PRKAG2: variants seen among roughly 807,000 people sequenced by gnomAD.
PRKAG2 encodes protein kinase AMP-activated non-catalytic subunit gamma 2, also known as 5'-AMP-activated protein kinase subunit gamma-2.
In PRKAG2, 26 loss-of-function variants were observed where a neutral mutation model predicts 69.6. The ratio of observed to expected loss-of-function variants is 0.37; its 90% CI spans 0.27 to 0.52. The LOEUF (loss-of-function observed/expected upper bound fraction) is 0.52. PRKAG2 is among the 20% of genes least tolerant of loss of function. The pLI, the probability that PRKAG2 is intolerant of heterozygous loss-of-function variation, is 0.90. For missense variants in PRKAG2, 557 were observed against 740.0 expected (o/e 0.75, Z 2.87); for synonymous variants, 293 against 285.0 (o/e 1.03, Z -0.28).
At chr7:151,581,923 G>C (rs1177993232) in intron 6 of PRKAG2, among the ~76,000 whole-genome samples, 1 of 152,188 alleles carries the variant, frequency 6.6e-6, no homozygotes, top group South Asian at 2.1e-4. Context: ...AGGCCACTGT[G>C]AACAACACAA....
At chr7:151,861,709 T>G (rs2079930700) in intron 1 of PRKAG2, among the ~76,000 whole-genome samples, 1 of 152,040 alleles carries the variant, frequency 6.6e-6, no homozygotes, top group South Asian at 2.1e-4. Flanking sequence ...GACATCCTGC[T>G]CTTTACTGTG....
intron 4 of PRKAG2, among the ~76,000 whole-genome samples, chr7:151,673,641 A>G (rs534099886): frequency 6.6e-6 from 1 of 152,288 alleles, no homozygotes; most frequent in African/African-American, 2.4e-5. Context: ...AAGAATAGGA[A>G]TAGTATGTTC....
Position 151,557,152 on chromosome 7 carries a change from CAG to C in PRKAG2, c.*47_*48del, listed in dbSNP as rs1373728473. On this transcript the variant is annotated 3_prime_UTR_variant, in exon 16 of 16. Coordinates refer to ENST00000287878, the MANE Select transcript of PRKAG2 (RefSeq NM_016203.4). ...AGTGTTCATGAGGCAAAACGTGACC[CAG>C]AGACTTTGTTCAAGTTCTCCTCCTA... The C allele has an allele frequency of 1.2e-5, 19 of 1,613,878 alleles. No homozygotes were observed. Among genetic ancestry groups the C allele is most frequent in the Non-Finnish European group, 1.5e-5 (18 of 1,179,932 alleles).
chr7:151,696,518 G>A (rs886257161), intron 3 of PRKAG2, among the ~76,000 whole-genome samples: 2 of 152,110 alleles, frequency 1.3e-5, no homozygotes, highest in East Asian at 1.9e-4. Flanking sequence ...CAGCCCTGAC[G>A]CCATCATCTC....
intron 3 of PRKAG2, among the ~76,000 whole-genome samples, chr7:151,726,324 G>A (rs1471974013): frequency 1.3e-5 from 2 of 151,680 alleles, no homozygotes; most frequent in Non-Finnish European, 2.9e-5. Context: ...AGGAAGCCTG[G>A]GGAAGTGAAG....
Position 151,746,715 on chromosome 7 carries a change from C to T in PRKAG2, c.466+34437G>A, listed in dbSNP as rs114274637. On this transcript the variant is annotated intron_variant, in intron 3 of 15. Transcript: ENST00000287878. ...CCTGCTCCAGTGGCTGCTCCTGGGA[C>T]GGCTGCTGGGCACCATGCTGAGAAT... Among the ~76,000 whole-genome samples, 944 of 152,310 alleles carry T rather than the reference C, an allele frequency of 6.2e-3. 7 individuals carry two copies. Among genetic ancestry groups the T allele is most frequent in the Non-Finnish European group, 9.2e-3 (624 of 68,024 alleles).
chr7:151,751,870 C>T (rs2074717333), intron 3 of PRKAG2, among the ~76,000 whole-genome samples: 1 of 152,152 alleles, frequency 6.6e-6, no homozygotes, highest in Non-Finnish European at 1.5e-5. Context: ...CTGAGAAGGC[C>T]TAGAAGCAAT....
intron 3 of PRKAG2, among the ~76,000 whole-genome samples, chr7:151,688,042 G>GCCCCAC (rs1835016936): frequency 1.9e-5 from 2 of 106,982 alleles, no homozygotes; most frequent in Non-Finnish European, 2.0e-5. Flanking sequence ...AGGAAATGAG[G>GCCCCAC]CCCCCCCCCG....
intron 3 of PRKAG2, among the ~76,000 whole-genome samples, chr7:151,772,602 A>G (rs1563637879): frequency 6.6e-6 from 1 of 152,242 alleles, no homozygotes. Context: ...CCTTCTAGAA[A>G]GGCCTGACAT....
chr7:151,743,738 C>T (rs2074062114), intron 3 of PRKAG2, among the ~76,000 whole-genome samples: 1 of 152,228 alleles, frequency 6.6e-6, no homozygotes, highest in Non-Finnish European at 1.5e-5. Flanking sequence ...AAGCCAGCTG[C>T]TGCTCCATGC....
At chr7:151,834,975 C>T (rs1313809927) in intron 1 of PRKAG2, among the ~76,000 whole-genome samples, 1 of 152,200 alleles carries the variant, frequency 6.6e-6, no homozygotes, top group Non-Finnish European at 1.5e-5. Flanking sequence ...TTGATCTCCA[C>T]CTTCATCCTC....
chr7:151,679,617 A>G (rs1833527299), intron 3 of PRKAG2, among the ~76,000 whole-genome samples: 1 of 152,142 alleles, frequency 6.6e-6, no homozygotes, highest in Non-Finnish European at 1.5e-5. Flanking sequence ...CACCCCCCAC[A>G]TCCTCATGAC....
At chr7:151,815,055 G>A (rs1160874338) in intron 1 of PRKAG2, among the ~76,000 whole-genome samples, 2 of 152,216 alleles carry the variant, frequency 1.3e-5, no homozygotes, top group African/African-American at 2.4e-5. Context: ...AAAGGCTTCA[G>A]AAATCTGAAC....
At chr7:151,754,906 G>A (rs1353290383) in intron 3 of PRKAG2, among the ~76,000 whole-genome samples, 1 of 152,104 alleles carries the variant, frequency 6.6e-6, no homozygotes, top group Non-Finnish European at 1.5e-5. Context: ...CCTGAAGGAA[G>A]GGACCCCACC....
intron 7 of PRKAG2, among the ~76,000 whole-genome samples, chr7:151,575,433 C>G (rs1285893353): frequency 6.6e-6 from 1 of 152,158 alleles, no homozygotes; most frequent in East Asian, 1.9e-4. Context: ...AAGACATGAA[C>G]TTCTTCCCTG....
intron 1 of PRKAG2, among the ~76,000 whole-genome samples, chr7:151,862,216 G>C (rs1250776387): frequency 6.6e-6 from 1 of 152,078 alleles, no homozygotes; most frequent in Non-Finnish European, 1.5e-5. Flanking sequence ...ATCAGCCTGA[G>C]CCAAAGCCCA....
chr7:151,781,583 G>A lies in PRKAG2; in HGVS notation c.187-152C>T, dbSNP rs1247093633. The stretch of plus-strand genomic sequence containing the variant: ...AGCCCTAAGCTCTTCCACAGAGGTA[G>A]CCACTGAATGGTCTGCAGGTAGCAC... On this transcript the variant is annotated intron_variant, in intron 2 of 15. Coordinates refer to ENST00000287878, the MANE Select transcript of PRKAG2 (RefSeq NM_016203.4). The surrounding 1 kb of genome is among the most constrained non-coding windows in gnomAD (Gnocchi z 6.1). 2.9e-6 allele frequency: 3 copies of A among 1,023,550 alleles called. No homozygotes were observed. The highest frequency in any genetic ancestry group is 4.3e-6 in the Non-Finnish European group (3 of 698,158). 63.4% of individuals were successfully genotyped at this position (1,023,550 alleles called of 1,614,324 possible).
At chr7:151,639,670 A>G (rs1826333777) in intron 4 of PRKAG2, among the ~76,000 whole-genome samples, 1 of 152,202 alleles carries the variant, frequency 6.6e-6, no homozygotes, top group Non-Finnish European at 1.5e-5. Flanking sequence ...CTGGGACTTA[A>G]CAGCAGCAGC....
chr7:151,876,153 T>C lies in PRKAG2; in HGVS notation c.114+354A>G, dbSNP rs1405332951. Among the ~76,000 whole-genome samples the C allele has an allele frequency of 4.0e-5, 6 of 148,664 alleles. No homozygotes were observed. The East Asian group carries it at 1.2e-3, about 31-fold the overall frequency. The stretch of plus-strand genomic sequence containing the variant: ...CCTCCCCGGAGCGCAGTCCACACCG[T>C]CCCTTTTCAGCAAAACAACACAACG... On this transcript the variant is annotated intron_variant, in intron 1 of 15. Coordinates refer to ENST00000287878, the MANE Select transcript of PRKAG2 (RefSeq NM_016203.4).
Sources: allele counts gnomAD v4.1 joint callset (sites outside exome capture counted in the v4.1 genomes callset), GRCh38; gene constraint gnomAD v4.1.1; non-coding constraint Gnocchi (gnomAD v3.1); transcripts MANE v1.5; gene names NCBI Gene and HGNC (gene_info 2026-07-23, HGNC 2026-07-21).